Variants in RANBP2 observed in about 807,000 individuals in gnomAD.
RANBP2 encodes the protein E3 SUMO-protein ligase RanBP2.
In RANBP2, 57 loss-of-function variants were observed where a neutral mutation model predicts 303.6. The ratio of observed to expected loss-of-function variants is 0.19; its 90% confidence interval spans 0.15 to 0.23. The LOEUF is 0.23. Among genes scored for constraint, RANBP2 ranks in the 10% least tolerant of loss-of-function variants. The probability of loss-of-function intolerance (pLI) is 1.00; values close to 1 mark genes in which losing one functional copy is unlikely to be tolerated. For synonymous variants in RANBP2, 1,167 were observed against 1,301.5 expected, an observed-to-expected ratio of 0.90 and a Z score of 2.23; for missense variants, 3,138 against 3,780.8, an observed-to-expected ratio of 0.83 and a Z score of 4.46.
the RANBP2 span, among the ~76,000 whole-genome samples, chr2:108,843,925 C>T: frequency 2.6e-5 from 3 of 113,950 alleles, no homozygotes; most frequent in Non-Finnish European, 5.0e-5. Context: ...GGGTCTTGCT[C>T]TGTTGCCCAG....
the RANBP2 span, among the ~76,000 whole-genome samples, chr2:109,155,337 G>A: frequency 6.6e-6 from 1 of 152,168 alleles, no homozygotes; most frequent in Non-Finnish European, 1.5e-5. Context: ...GTCTCGCTCT[G>A]TTGCCCAGGC....
the RANBP2 span, among the ~76,000 whole-genome samples, chr2:109,285,741 C>A: frequency 6.6e-6 from 1 of 152,224 alleles, no homozygotes; most frequent in African/African-American, 2.4e-5. Flanking sequence ...TGTGAGCAAG[C>A]TGATGCCTTG....
chr2:108,750,078 G>A (rs544315430), intron 9 of RANBP2, among the ~76,000 whole-genome samples: 11 of 152,360 alleles, frequency 7.2e-5, no homozygotes, highest in East Asian at 1.9e-4. Context: ...CCCGGGAGGC[G>A]GAGGTTGCAG....
chr2:109,668,822 A>C, the RANBP2 span, among the ~76,000 whole-genome samples: 2 of 152,236 alleles, frequency 1.3e-5, no homozygotes, highest in Non-Finnish European at 2.9e-5. Context: ...GAGCAGGCAC[A>C]TGGAACAATT....
chr2:109,615,222 G>C, the RANBP2 span: 5 of 1,546,686 alleles, frequency 3.2e-6, no homozygotes, highest in Non-Finnish European at 4.4e-6. Context: ...CTCAGACAGC[G>C]CATCGGTGGC....
chr2:109,154,689 G>T, the RANBP2 span, among the ~76,000 whole-genome samples: 1 of 152,296 alleles, frequency 6.6e-6, no homozygotes, highest in East Asian at 1.9e-4. Flanking sequence ...GTTTGGACAA[G>T]GTCAGGTGGG....
the RANBP2 span, among the ~76,000 whole-genome samples, chr2:109,277,061 G>T: frequency 1.3e-5 from 2 of 152,180 alleles, no homozygotes; most frequent in African/African-American, 4.8e-5. Flanking sequence ...TCTGTGCTGG[G>T]ATAAAGCTGA....
At chr2:109,255,816 T>C in the RANBP2 span, among the ~76,000 whole-genome samples, 2 of 152,244 alleles carry the variant, frequency 1.3e-5, no homozygotes, top group African/African-American at 4.8e-5. Context: ...GCCGACTGTT[T>C]GTGCTTTTAA....
chr2:109,243,986 A>G, the RANBP2 span, among the ~76,000 whole-genome samples: 1 of 152,206 alleles, frequency 6.6e-6, no homozygotes, highest in Non-Finnish European at 1.5e-5. Flanking sequence ...TGCCCAGCTC[A>G]TGTGCTCATA....
At chr2:108,773,125 A>G in intron 23 of RANBP2, 79 bp downstream of exon 23, 6 of 1,444,990 alleles carry the variant, frequency 4.2e-6, no homozygotes, top group Non-Finnish European at 5.7e-6. Flanking sequence ...GTTCTTATTT[A>G]TTTATTTTTG....
the RANBP2 span, among the ~76,000 whole-genome samples, chr2:109,254,723 C>A: frequency 6.1e-3 from 928 of 152,302 alleles, 22 homozygotes; most frequent in Non-Finnish European, 3.9e-3. Flanking sequence ...GCCAGCCGCT[C>A]CCATGAGAGG....
the RANBP2 span, among the ~76,000 whole-genome samples, chr2:109,176,487 T>C: frequency 2.6e-5 from 4 of 152,006 alleles, no homozygotes; most frequent in Admixed American, 6.6e-5. Flanking sequence ...ATCCTAACAC[T>C]TTGTGGGGCC....
the RANBP2 span, among the ~76,000 whole-genome samples, chr2:108,871,269 A>G: frequency 3.3e-5 from 5 of 150,922 alleles, no homozygotes; most frequent in African/African-American, 4.9e-5. Flanking sequence ...GTGGTGTCTC[A>G]TGCCTGTAAT....
the RANBP2 span, chr2:109,615,218 C>A: frequency 6.5e-7 from 1 of 1,546,836 alleles, no homozygotes. Context: ...GCGACTCAGA[C>A]AGCGCATCGG....
the RANBP2 span, chr2:109,129,782 G>T: frequency 1.3e-6 from 2 of 1,539,334 alleles, no homozygotes; most frequent in Non-Finnish European, 1.7e-6. Context: ...TGCCGCCGCT[G>T]CCTGGAGAGC....
At chr2:109,138,228 C>T in the RANBP2 span, among the ~76,000 whole-genome samples, 1 of 152,136 alleles carries the variant, frequency 6.6e-6, no homozygotes. Context: ...GGGGTTTCAC[C>T]GTATTGGCCA....
At chr2:109,091,812 T>C in the RANBP2 span, among the ~76,000 whole-genome samples, 2 of 152,208 alleles carry the variant, frequency 1.3e-5, no homozygotes, top group Admixed American at 6.5e-5. Flanking sequence ...AAGATGTCCC[T>C]TAACTATAGC....
the RANBP2 span, among the ~76,000 whole-genome samples, chr2:109,404,071 C>T: frequency 6.6e-6 from 1 of 152,154 alleles, no homozygotes; most frequent in Non-Finnish European, 1.5e-5. Flanking sequence ...TCCAGGAGCC[C>T]ATCTCTGGCT....
the RANBP2 span, among the ~76,000 whole-genome samples, chr2:109,607,621 C>T: frequency 6.6e-6 from 1 of 152,046 alleles, no homozygotes; most frequent in Admixed American, 6.6e-5. Flanking sequence ...AAAATTAAAT[C>T]TGTTATTAAT....
Sources: gnomAD v4.1 joint callset for allele counts (sites outside exome capture counted in the v4.1 genomes callset) on GRCh38, gnomAD v4.1.1 for gene constraint, MANE v1.5 for transcripts, NCBI Gene and HGNC (gene_info 2026-07-23, HGNC 2026-07-21) for gene names.